CRACR2A: variants seen among roughly 807,000 people sequenced by gnomAD.
CRACR2A encodes EF-hand calcium-binding domain-containing protein 4B.
Under a neutral mutation model 90.5 loss-of-function variants are expected in CRACR2A, and 79 were observed. The observed-to-expected ratio is 0.87, with a 90% CI of 0.73 to 1.05. The LOEUF (loss-of-function observed/expected upper bound fraction) is 1.05. Ranked by LOEUF, CRACR2A falls within the 50% of genes least tolerant of loss-of-function variation. CRACR2A has a pLI of 0.00. For synonymous variants in CRACR2A, 338 were observed against 356.7 expected, an observed-to-expected ratio of 0.95 and a Z score of 0.59; for missense variants, 823 against 897.2, an observed-to-expected ratio of 0.92 and a Z score of 1.06.
chr12:3,695,209 G>C (rs1487473349), intron 4 of CRACR2A, among the ~76,000 whole-genome samples: 1 of 152,098 alleles, frequency 6.6e-6, no homozygotes, highest in African/African-American at 2.4e-5. Flanking sequence ...CAAAAGTTAA[G>C]CCTGATTTTG....
chr12:3,666,330 C>CGTGT (rs750488682), intron 7 of CRACR2A, among the ~76,000 whole-genome samples: 8,438 of 139,588 alleles, frequency 0.06, 328 homozygotes, highest in African/African-American at 0.11. Flanking sequence ...AGGACGGCTG[C>CGTGT]GTGTGTGTGT....
At chr12:3,651,672 C>A (rs1944797196) in intron 10 of CRACR2A, among the ~76,000 whole-genome samples, 1 of 152,148 alleles carries the variant, frequency 6.6e-6, no homozygotes, top group Admixed American at 6.5e-5. Context: ...AGCCTGTTTA[C>A]CTCCCAGCTC....
chr12:3,656,541 G>T (rs917919846), intron 8 of CRACR2A, 135 bp from the exon 9 acceptor site: 2 of 741,462 alleles, frequency 2.7e-6, no homozygotes, highest in Non-Finnish European at 4.6e-6. Flanking sequence ...CCACAGCACT[G>T]CAGGGCTCTG....
At chr12:3,734,119 C>T (rs956602239) in intron 1 of CRACR2A, among the ~76,000 whole-genome samples, 27 of 151,726 alleles carry the variant, frequency 1.8e-4, no homozygotes, top group African/African-American at 5.6e-4. Flanking sequence ...TACAGGCGCC[C>T]GCCACCACAC....
rs117620959 is a variant in CRACR2A at position 3,663,474 on chromosome 12, A to G, written c.672-3820T>C. On this transcript the variant is annotated intron_variant, in intron 7 of 19. Coordinates refer to ENST00000440314, the MANE Select transcript of CRACR2A (RefSeq NM_001144958.2). ...CAGAAATCTGTCTTTCCATGACCTTACTCTTCTTCTGCATAAAAGCCTTTC... is the reference window on the plus strand; with the variant it reads ...CAGAAATCTGTCTTTCCATGACCTTGCTCTTCTTCTGCATAAAAGCCTTTC... Among the ~76,000 whole-genome samples the G allele has an allele frequency of 2.4e-4, 37 of 152,170 alleles. No homozygotes were observed. In the East Asian group the frequency reaches 7.0e-3, roughly 29 times the overall value.
chr12:3,659,733 TC>T, intron 7 of CRACR2A, 79 bp from the exon 8 acceptor site: 2 of 1,141,628 alleles, frequency 1.8e-6, no homozygotes, highest in Non-Finnish European at 2.6e-6. Flanking sequence ...AGACACCAGT[TC>T]CCCAACTCTG....
At chr12:3,655,878 C>A (rs1591661123) in intron 9 of CRACR2A, among the ~76,000 whole-genome samples, 1 of 152,190 alleles carries the variant, frequency 6.6e-6, no homozygotes, top group African/African-American at 2.4e-5. Flanking sequence ...CTTGGAAGAA[C>A]CTGTTCCAGC....
chr12:3,676,568 A>G (rs1945339520), intron 6 of CRACR2A, among the ~76,000 whole-genome samples: 1 of 152,234 alleles, frequency 6.6e-6, no homozygotes. Context: ...AAGAGGCCAG[A>G]GGAAGCTCAT....
chr12:3,708,083 G>C (rs568894129), intron 3 of CRACR2A, among the ~76,000 whole-genome samples: 1 of 152,128 alleles, frequency 6.6e-6, no homozygotes, highest in Non-Finnish European at 1.5e-5. Context: ...CTCAGCATCC[G>C]TGTGCTTTCG....
At chr12:3,643,973 C>A (rs1237691264) in intron 12 of CRACR2A, among the ~76,000 whole-genome samples, 1 of 130,822 alleles carries the variant, frequency 7.6e-6, no homozygotes, top group Non-Finnish European at 1.6e-5. Context: ...CTGGGAATTT[C>A]ATCCGTTAAT....
chr12:3,649,388 C>T (rs1362699442), intron 10 of CRACR2A, among the ~76,000 whole-genome samples: 1 of 152,132 alleles, frequency 6.6e-6, no homozygotes, highest in Admixed American at 6.6e-5. Flanking sequence ...ACCTTCCCTC[C>T]CATTCTCACC....
chr12:3,618,883 CT>C (rs1384439851), intron 18 of CRACR2A, among the ~76,000 whole-genome samples: 1 of 152,206 alleles, frequency 6.6e-6, no homozygotes, highest in African/African-American at 2.4e-5. Flanking sequence ...ACACAGTGGT[CT>C]GCAGAAGAAT....
intron 3 of CRACR2A, among the ~76,000 whole-genome samples, chr12:3,712,987 G>A (rs376970815): frequency 2.4e-4 from 37 of 151,876 alleles, no homozygotes; most frequent in African/African-American, 8.5e-4. Context: ...CCCTCTCCCA[G>A]AGGCCTCCCT....
At chr12:3,724,529 A>G (rs1378058447) in intron 2 of CRACR2A, among the ~76,000 whole-genome samples, 2 of 152,222 alleles carry the variant, frequency 1.3e-5, no homozygotes, top group Non-Finnish European at 2.9e-5. Context: ...GGCTGCTCTC[A>G]TTCCAGCTTG....
intron 4 of CRACR2A, among the ~76,000 whole-genome samples, chr12:3,694,924 T>C (rs1029614786): frequency 1.3e-5 from 2 of 152,364 alleles, no homozygotes; most frequent in African/African-American, 2.4e-5. Context: ...TTCTCCTGCC[T>C]GGATCAGGAG....
chr12:3,744,047 G>C (rs1946571359), intron 1 of CRACR2A, among the ~76,000 whole-genome samples: 1 of 152,172 alleles, frequency 6.6e-6, no homozygotes, highest in Non-Finnish European at 1.5e-5. Context: ...TCAAGCTGTG[G>C]TGAGATACCA....
At chr12:3,678,844 T>C in intron 6 of CRACR2A, 71 bp downstream of exon 6, 5 of 1,484,752 alleles carry the variant, frequency 3.4e-6, no homozygotes, top group Non-Finnish European at 1.8e-6. Context: ...CAAATGTTAA[T>C]TGTTGAATGG....
rs1446443022 is a variant in CRACR2A at position 3,633,595 on chromosome 12, A to T, written c.1735+9T>A. On this transcript the variant is annotated intron_variant, in intron 15 of 19. Coordinates refer to ENST00000440314, the MANE Select transcript of CRACR2A (RefSeq NM_001144958.2). This position sits in a 1 kb window ranked among gnomAD's most constrained non-coding sequence, Gnocchi z 4.5. The stretch of plus-strand genomic sequence containing the variant: ...GGGCCTAGGACCCACCTCAGGGATG[A>T]GAACTCACCCACAGTGGCCGCCATG... The T allele has an allele frequency of 1.9e-6, 3 of 1,551,516 alleles. No individual in the cohort carries two copies. Among genetic ancestry groups the T allele is most frequent in the Non-Finnish European group, 2.6e-6 (3 of 1,146,974 alleles).
intron 7 of CRACR2A, among the ~76,000 whole-genome samples, chr12:3,672,233 C>T (rs998460239): frequency 3.9e-5 from 6 of 151,966 alleles, no homozygotes; most frequent in Admixed American, 6.6e-5. Context: ...GAAAAGGAGC[C>T]GGGACTCAGA....
Sources: allele counts gnomAD v4.1 joint callset (sites outside exome capture counted in the v4.1 genomes callset), GRCh38; gene constraint gnomAD v4.1.1; non-coding constraint Gnocchi (gnomAD v3.1); transcripts MANE v1.5; gene names NCBI Gene and HGNC (gene_info 2026-07-23, HGNC 2026-07-21).